The following ZNF75A variants were observed in gnomAD, a reference collection of about 807,000 sequenced individuals.
The protein encoded by ZNF75A is zinc finger protein 75A.
Under a neutral mutation model 46.3 loss-of-function variants are expected in ZNF75A, and 36 were observed. That is an observed-to-expected ratio of 0.78 (90% CI 0.60 to 1.03). The LOEUF (loss-of-function observed/expected upper bound fraction) is 1.03. Ranked by LOEUF, ZNF75A falls within the 50% of genes least tolerant of loss-of-function variation. The pLI, the probability that ZNF75A is intolerant of heterozygous loss-of-function variation, is 0.00. For synonymous variants in ZNF75A, 234 were observed against 189.9 expected (o/e 1.23, Z -1.91); for missense variants, 595 against 551.3 (o/e 1.08, Z -0.79).
chr16:3,307,353 T>C (rs1960363228), intron 1 of ZNF75A: 1 of 152,230 alleles, frequency 6.6e-6, no homozygotes, highest in Non-Finnish European at 1.5e-5. Flanking sequence ...GAAAATAGTA[T>C]AATGCAGTTA....
At chr16:3,309,025 T>C (rs905595172) in intron 2 of ZNF75A, 189 bp downstream of exon 2, 7 of 182,784 alleles carry the variant, frequency 3.8e-5, no homozygotes, top group Non-Finnish European at 6.2e-5. Context: ...GAGATTGTGG[T>C]AGATACTTCC....
chr16:3,308,859 T>C lies in ZNF75A; in HGVS notation c.408+23T>C, dbSNP rs1016003305. ...GGGGTGAGAAGAAAGATTCCTGACA[T>C]GTACAGTGAAATAGGATGCAGGTGG... On this transcript the variant is annotated intron_variant, in intron 2 of 6. Transcript: ENST00000669516. 1.1e-5 allele frequency: 11 copies of C among 985,344 alleles called. No homozygotes were observed. The South Asian group carries it at 1.9e-4, about 17-fold the overall frequency. The allele number at this position is 985,344 out of a possible 1,614,324, so 61.0% of individuals were successfully genotyped here. A position where few individuals can be genotyped will look rare whatever the true frequency, so the allele number is the denominator to read the frequency against.
chr16:3,314,684 A>T, intron 5 of ZNF75A: 1 of 985,376 alleles, frequency 1.0e-6, no homozygotes, highest in Non-Finnish European at 1.2e-6. Context: ...CATGCAGTTC[A>T]TACGCAGTTA....
At chr16:3,321,624 C>T (rs114800270), downstream of ZNF75A, among the ~76,000 whole-genome samples, 5,300 of 152,208 alleles carry the variant, frequency 0.035, 335 homozygotes, top group African/African-American at 0.12. Flanking sequence ...TGCCACCATG[C>T]CTGGGTTATT....
downstream of ZNF75A, among the ~76,000 whole-genome samples, chr16:3,321,544 C>T (rs1043454685): frequency 6.6e-6 from 1 of 152,224 alleles, no homozygotes; most frequent in Non-Finnish European, 1.5e-5. Context: ...GGGCTCACCA[C>T]AGCCTCGATC....
downstream of ZNF75A, among the ~76,000 whole-genome samples, chr16:3,319,390 C>A (rs962701821): frequency 1.3e-5 from 2 of 152,338 alleles, no homozygotes; most frequent in Admixed American, 6.5e-5. Context: ...GCTGGGATTA[C>A]ATGCATGAGC....
At chr16:3,313,575 A>G (rs1485553309) in intron 5 of ZNF75A, among the ~76,000 whole-genome samples, 1 of 152,210 alleles carries the variant, frequency 6.6e-6, no homozygotes. Flanking sequence ...CCTGACTGCA[A>G]CAATGTCTCA....
chr16:3,313,003 T>G (rs1596395851), intron 4 of ZNF75A, 46 bp from the exon 5 acceptor site: 2 of 1,580,318 alleles, frequency 1.3e-6, no homozygotes, highest in East Asian at 2.2e-5. Context: ...CTAGGCTGCT[T>G]CTGTACAGTG....
chr16:3,314,736 T>G, intron 5 of ZNF75A: 1 of 985,456 alleles, frequency 1.0e-6, no homozygotes, highest in Non-Finnish European at 1.2e-6. Flanking sequence ...AAGTCCATTC[T>G]CTTCTTTAGA....
intron 1 of ZNF75A, chr16:3,306,200 C>T (rs992036029): frequency 6.6e-6 from 1 of 152,106 alleles, no homozygotes; most frequent in South Asian, 2.1e-4. Flanking sequence ...TCTCCTCAGC[C>T]CCCCTTAGAA....
chr16:3,318,806 T>C lies in ZNF75A; in HGVS notation c.*937T>C. ...CATTTGGCATGGAGACCTGGACATG[T>C]AGTCAGCAGGAGACGGTTCCCTAAA... On this transcript the variant is annotated 3_prime_UTR_variant, in exon 7 of 7. Coordinates refer to ENST00000669516, the MANE Select transcript of ZNF75A (RefSeq NM_001302109.2). The C allele has an allele frequency of 4.1e-6, 4 of 985,450 alleles. No homozygotes were observed. The highest frequency in any genetic ancestry group is 4.8e-6 in the Non-Finnish European group (4 of 829,964). 61.0% of individuals were successfully genotyped at this position (985,450 alleles called of 1,614,324 possible).
chr16:3,307,929 A>C (rs1960414768), intron 1 of ZNF75A: 1 of 152,174 alleles, frequency 6.6e-6, no homozygotes, highest in Non-Finnish European at 1.5e-5. Context: ...TGATCTGTTG[A>C]AATTTAAGAG....
downstream of ZNF75A, among the ~76,000 whole-genome samples, chr16:3,322,142 C>G (rs2029967416): frequency 6.6e-6 from 1 of 152,160 alleles, no homozygotes; most frequent in Non-Finnish European, 1.5e-5. Flanking sequence ...GGACTGAATT[C>G]TCTCCTATGT....
intron 2 of ZNF75A, among the ~76,000 whole-genome samples, chr16:3,309,943 AAAAT>A (rs761906881): frequency 2.0e-5 from 3 of 151,752 alleles, no homozygotes; most frequent in Middle Eastern, 3.2e-3. Context: ...AAAAAAAAAG[AAAAT>A]AAGCCAGGCT....
rs1961317109 is a variant in ZNF75A, at chr16:3,317,579, A to G, written c.1324A>G (p.Ser442Gly). ...ACAGTGTGATAAGAGGTTTAGATGGAGTTCAGATCTTAATAAGCACTTAAC... is the reference window on the plus strand; with the variant it reads ...ACAGTGTGATAAGAGGTTTAGATGGGGTTCAGATCTTAATAAGCACTTAAC... ...CQQCDKRFRW[S>G]SDLNKHLTTH... The change falls in exon 7 of 7, where the codon AGT becomes GGT. Residue 442 changes from serine to glycine, a missense_variant. Transcript: ENST00000669516. The G allele has an allele frequency of 6.2e-7, 1 of 1,614,172 alleles. No homozygotes were observed. Among genetic ancestry groups the G allele is most frequent in the Admixed American group, 1.7e-5 (1 of 60,022 alleles).
chr16:3,317,076 G>T, intron 6 of ZNF75A, 54 bp downstream of exon 6: 2 of 1,544,354 alleles, frequency 1.3e-6, no homozygotes, highest in Non-Finnish European at 1.8e-6. Flanking sequence ...CTTTTGCAAG[G>T]GCTTAACATT....
Position 3,318,053 on chromosome 16 carries a change from C to G in ZNF75A, c.*184C>G. 1 of 1,388,210 alleles carries G rather than the reference C, an allele frequency of 7.2e-7. No homozygotes were observed. The highest frequency in any genetic ancestry group is 2.6e-5 in the East Asian group (1 of 38,218). 86.0% of individuals were successfully genotyped at this position (1,388,210 alleles called of 1,614,324 possible). On this transcript the variant is annotated 3_prime_UTR_variant, in exon 7 of 7. Coordinates refer to ENST00000669516, the MANE Select transcript of ZNF75A (RefSeq NM_001302109.2). Reference sequence around the variant, plus strand: ...GCCACTCAGTAGTCTTCTGTGGTCACAGAAGTAAACATTGTTGGCTTTGTA... The same window carrying G: ...GCCACTCAGTAGTCTTCTGTGGTCAGAGAAGTAAACATTGTTGGCTTTGTA...
At position 3,308,826 on chromosome 16, in the gene ZNF75A, C is replaced by T. The variant is rs1960483905; in HGVS notation, c.398C>T (p.Thr133Ile). 1.4e-5 allele frequency: 14 copies of T among 985,756 alleles called. No homozygotes were observed. The South Asian group carries it at 5.6e-4, about 40-fold the overall frequency. 61.1% of individuals were successfully genotyped at this position (985,756 alleles called of 1,614,324 possible). A position where few individuals can be genotyped will look rare whatever the true frequency, so the allele number is the denominator to read the frequency against. The change falls in exon 2 of 7, where the codon ACA becomes ATA. Residue 133 changes from threonine (T) to isoleucine (I), a missense_variant. Physicochemically the swap from Thr to Ile is moderately conservative, Grantham distance 89. Coordinates refer to ENST00000669516, the MANE Select transcript of ZNF75A (RefSeq NM_001302109.2). ...VEHLQRESGQ[T>I]WNGVAVHELG... Reference sequence around the variant, plus strand: ...CACTTGCAGAGGGAATCTGGTCAAACATGGAATGGGGTGAGAAGAAAGATT... The same window carrying T: ...CACTTGCAGAGGGAATCTGGTCAAATATGGAATGGGGTGAGAAGAAAGATT...
chr16:3,319,114 C>T (rs759675307), downstream of ZNF75A, among the ~76,000 whole-genome samples: 15 of 152,002 alleles, frequency 9.9e-5, no homozygotes, highest in South Asian at 4.2e-4. Flanking sequence ...TTCCAAACCT[C>T]TTATTTTATT....
Sources: allele counts gnomAD v4.1 joint callset (sites outside exome capture counted in the v4.1 genomes callset), GRCh38; gene constraint gnomAD v4.1.1; transcripts MANE v1.5; gene names NCBI Gene and HGNC (gene_info 2026-07-23, HGNC 2026-07-21).